Variants in LARGE1 observed in about 807,000 individuals in gnomAD.
LARGE1 encodes the protein xylosyl- and glucuronyltransferase LARGE1.
LARGE1 carries 43 observed loss-of-function variants against 87.6 expected under a neutral mutation model. That is an observed-to-expected ratio of 0.49 (90% confidence interval 0.38 to 0.63). The LOEUF (loss-of-function observed/expected upper bound fraction) is 0.63, where lower values mean the gene tolerates loss of function less well. Ranked by LOEUF, LARGE1 falls within the 30% of genes least tolerant of loss-of-function variation. The pLI is 0.00. For synonymous variants in LARGE1, 434 were observed against 394.6 expected (o/e 1.10, Z -1.18); for missense variants, 802 against 1,000.2 (o/e 0.80, Z 2.67).
intron 11 of LARGE1, among the ~76,000 whole-genome samples, chr22:33,180,486 T>C (rs868111458): frequency 7.9e-5 from 12 of 152,218 alleles, no homozygotes; most frequent in African/African-American, 2.9e-4. Context: ...AACCTGCTAG[T>C]GCCTGCTAGG....
intron 2 of LARGE1, among the ~76,000 whole-genome samples, chr22:33,670,756 A>G (rs1197481463): frequency 2.0e-5 from 3 of 152,222 alleles, no homozygotes; most frequent in Admixed American, 1.3e-4. Flanking sequence ...CTAATTCCAG[A>G]GTTTGAAAAA....
chr22:33,627,915 C>T (rs73398731), intron 3 of LARGE1, among the ~76,000 whole-genome samples: 3,108 of 152,300 alleles, frequency 0.02, 104 homozygotes, highest in African/African-American at 0.071. Flanking sequence ...GCTCCTCTTC[C>T]TCTATGGAGG....
Position 33,909,612 on chromosome 22 carries a change from C to T in LARGE1, c.-83+10383G>A, listed in dbSNP as rs575741060. Among the ~76,000 whole-genome samples, 245 of 152,014 alleles carry T rather than the reference C, an allele frequency of 1.6e-3. 2 individuals carry two copies. The highest frequency in any genetic ancestry group is 0.011 in the South Asian group (55 of 4,806). On this transcript the variant is annotated intron_variant, in intron 1 of 14. Coordinates refer to ENST00000397394, the MANE Select transcript of LARGE1 (RefSeq NM_133642.5). ...GGAGTGCAGTGGCATGATATCGGCT[C>T]ACTGCAAGCTCTGACTTCCGGGTTC...
At chr22:33,550,176 C>CACACAT (rs1555954073) in intron 6 of LARGE1, among the ~76,000 whole-genome samples, 6 of 120,584 alleles carry the variant, frequency 5.0e-5, no homozygotes, top group African/African-American at 1.5e-4. Flanking sequence ...CACACACACA[C>CACACAT]ATATATATAT....
intron 7 of LARGE1, among the ~76,000 whole-genome samples, chr22:33,404,132 A>G (rs1601721687): frequency 6.6e-6 from 1 of 152,196 alleles, no homozygotes; most frequent in Non-Finnish European, 1.5e-5. Context: ...AGGGGAGATA[A>G]AGAAAGCTCA....
intron 11 of LARGE1, among the ~76,000 whole-genome samples, chr22:33,234,466 T>TAA (rs1926154029): frequency 6.6e-6 from 1 of 152,206 alleles, no homozygotes; most frequent in Non-Finnish European, 1.5e-5. Flanking sequence ...CTGAGAATCC[T>TAA]AACTGTTTTG....
At chr22:33,895,751 A>C (rs1279956236) in intron 1 of LARGE1, among the ~76,000 whole-genome samples, 1 of 152,160 alleles carries the variant, frequency 6.6e-6, no homozygotes, top group African/African-American at 2.4e-5. Flanking sequence ...TACATAAGGA[A>C]ATGTAATCAC....
chr22:33,605,785 T>G (rs1357499272), intron 4 of LARGE1, among the ~76,000 whole-genome samples: 14 of 152,214 alleles, frequency 9.2e-5, no homozygotes. Flanking sequence ...GAGCTCATAC[T>G]GCTCAGAGAC....
At chr22:33,739,207 G>A (rs1379122157) in intron 2 of LARGE1, among the ~76,000 whole-genome samples, 4 of 151,588 alleles carry the variant, frequency 2.6e-5, no homozygotes, top group Admixed American at 6.6e-5. Flanking sequence ...CTTGATGGGC[G>A]CTGAGTTATC....
At chr22:33,810,596 C>A (rs1433053486) in intron 1 of LARGE1, among the ~76,000 whole-genome samples, 2 of 152,316 alleles carry the variant, frequency 1.3e-5, no homozygotes, top group African/African-American at 4.8e-5. Flanking sequence ...GCCCTTTTCT[C>A]TCTATCTTAA....
intron 1 of LARGE1, among the ~76,000 whole-genome samples, chr22:33,787,714 A>G (rs1468136682): frequency 1.3e-5 from 2 of 152,136 alleles, no homozygotes; most frequent in African/African-American, 2.4e-5. Flanking sequence ...TCCCTTGACA[A>G]TTCTTCTAAT....
In LARGE1 at chr22:33,252,254, C is replaced by G. The variant is rs1035693396; in HGVS notation, c.1730+51975G>C. Among the ~76,000 whole-genome samples the G allele has an allele frequency of 2.8e-5, 3 of 105,586 alleles. 1 individual carries two copies. The highest frequency in any genetic ancestry group is 1.8e-4 in the African/African-American group (3 of 16,988). The allele number at this position is 105,586 out of a possible 152,430, so 69.3% of individuals were successfully genotyped here. A position where few individuals can be genotyped will look rare whatever the true frequency, so the allele number is the denominator to read the frequency against. ...TTTTTAATGATAATTCCTTCATTCC[C>G]CCCCCCCCCGCCATTTTAAACTCAT... On this transcript the variant is annotated intron_variant, in intron 11 of 11. Transcript: ENST00000608642.
chr22:33,455,221 A>C (rs1023640926), intron 6 of LARGE1, among the ~76,000 whole-genome samples: 6 of 152,150 alleles, frequency 3.9e-5, no homozygotes, highest in African/African-American at 1.4e-4. Context: ...ATAGTAACTG[A>C]TGTGCAGGGC....
At chr22:33,442,294 G>A (rs777397797) in intron 6 of LARGE1, among the ~76,000 whole-genome samples, 1 of 152,202 alleles carries the variant, frequency 6.6e-6, no homozygotes, top group African/African-American at 2.4e-5. Context: ...TGTGCTAACT[G>A]CTACAGACAC....
chr22:33,345,500 G>A (rs1297920245), intron 9 of LARGE1, among the ~76,000 whole-genome samples: 1 of 152,348 alleles, frequency 6.6e-6, no homozygotes, highest in East Asian at 1.9e-4. Flanking sequence ...CTGGCAGGAA[G>A]CAGAGAGAGG....
chr22:33,124,727 C>T, the LARGE1 span, among the ~76,000 whole-genome samples: 3 of 152,134 alleles, frequency 2.0e-5, no homozygotes, highest in African/African-American at 7.2e-5. Context: ...CAAGGCTGGG[C>T]GTGGTGGCTC....
At chr22:33,497,616 G>C (rs569479695) in intron 6 of LARGE1, among the ~76,000 whole-genome samples, 3 of 152,042 alleles carry the variant, frequency 2.0e-5, no homozygotes, top group Admixed American at 2.0e-4. Context: ...TTTTCGATGT[G>C]ACAAAACATA....
intron 6 of LARGE1, among the ~76,000 whole-genome samples, chr22:33,451,594 A>C (rs1409297943): frequency 6.9e-6 from 1 of 144,826 alleles, no homozygotes; most frequent in South Asian, 2.2e-4. Flanking sequence ...AAGTCTCGCT[A>C]TGTCGCCAGG....
At chr22:33,789,316 C>A (rs375001758) in intron 1 of LARGE1, among the ~76,000 whole-genome samples, 1 of 152,200 alleles carries the variant, frequency 6.6e-6, no homozygotes, top group East Asian at 1.9e-4. Context: ...GATTTGGGAA[C>A]CCCTGCCTGG....
Sources: gnomAD v4.1 joint callset for allele counts (sites outside exome capture counted in the v4.1 genomes callset) on GRCh38, gnomAD v4.1.1 for gene constraint, MANE v1.5 for transcripts, NCBI Gene and HGNC (gene_info 2026-07-23, HGNC 2026-07-21) for gene names.